Variants in DCLK1 observed in about 807,000 individuals in gnomAD.
The protein encoded by DCLK1 is doublecortin like kinase 1.
In DCLK1, 16 loss-of-function variants were observed where a neutral mutation model predicts 86.2. That is an observed-to-expected ratio of 0.19 (90% CI 0.13 to 0.28). The LOEUF (loss-of-function observed/expected upper bound fraction) is 0.28, where lower values mean the gene tolerates loss of function less well. DCLK1 is among the 10% of genes least tolerant of loss of function. The probability of loss-of-function intolerance (pLI) is 1.00; values close to 1 mark genes in which losing one functional copy is unlikely to be tolerated. For missense variants in DCLK1, 590 were observed against 940.2 expected (o/e 0.63, Z 4.87); for synonymous variants, 369 against 370.5 (o/e 1.00, Z 0.05).
chr13:35,986,267 A>T (rs1027310368), intron 3 of DCLK1, among the ~76,000 whole-genome samples: 1 of 124,958 alleles, frequency 8.0e-6, no homozygotes, highest in Non-Finnish European at 1.6e-5. Context: ...ATGCCATTGC[A>T]CTCCAGTCTG....
At chr13:36,020,971 T>C (rs1332715564) in intron 3 of DCLK1, among the ~76,000 whole-genome samples, 1 of 152,160 alleles carries the variant, frequency 6.6e-6, no homozygotes, top group South Asian at 2.1e-4. Context: ...TATAAGTATG[T>C]AAATGTGAAA....
intron 11 of DCLK1, among the ~76,000 whole-genome samples, chr13:35,813,425 A>G (rs1463621387): frequency 1.3e-5 from 2 of 152,176 alleles, no homozygotes; most frequent in African/African-American, 2.4e-5. Flanking sequence ...TAATTCTCCT[A>G]TATGTAGGAA....
intron 4 of DCLK1, among the ~76,000 whole-genome samples, chr13:35,916,588 T>A (rs982960575): frequency 6.6e-6 from 1 of 152,212 alleles, no homozygotes; most frequent in Non-Finnish European, 1.5e-5. Flanking sequence ...TTTCTTTTCT[T>A]CACTTATATT....
intron 4 of DCLK1, among the ~76,000 whole-genome samples, chr13:35,923,526 A>G (rs1875928840): frequency 1.3e-5 from 2 of 151,876 alleles, no homozygotes; most frequent in South Asian, 4.2e-4. Context: ...CTTAGGAGGG[A>G]GCAGTGGGGG....
chr13:36,025,969 G>A (rs1197869333), intron 3 of DCLK1, among the ~76,000 whole-genome samples: 1 of 152,030 alleles, frequency 6.6e-6, no homozygotes, highest in Non-Finnish European at 1.5e-5. Context: ...TCATGGTGGG[G>A]GGAGAGGAAA....
At chr13:35,793,587 G>T (rs2086747091) in intron 15 of DCLK1, 108 bp from the exon 16 acceptor site, 1 of 831,886 alleles carries the variant, frequency 1.2e-6, no homozygotes, top group Admixed American at 2.7e-5. Context: ...TTCATAAGAT[G>T]TCAGAAATAA....
intron 15 of DCLK1, among the ~76,000 whole-genome samples, chr13:35,794,795 A>G (rs1171928923): frequency 1.3e-5 from 2 of 152,224 alleles, no homozygotes; most frequent in Non-Finnish European, 2.9e-5. Context: ...CTTTTTCATT[A>G]TATCAATTTG....
At chr13:35,871,183 G>T in intron 5 of DCLK1, 41 bp downstream of exon 5, 1 of 1,544,582 alleles carries the variant, frequency 6.5e-7, no homozygotes, top group East Asian at 2.2e-5. Context: ...TCCTGTGTCA[G>T]GAACAAGGCA....
Position 35,810,727 on chromosome 13 carries a change from T to C in DCLK1, c.1688+108A>G, listed in dbSNP as rs1593613932. ...AATTTTAAAAAGAGTGGAAGAAACC[T>C]GATAGCTAATTATGTCTGGATAGGG... On this transcript the variant is annotated intron_variant, in intron 12 of 16. Coordinates refer to ENST00000360631, the MANE Select transcript of DCLK1 (RefSeq NM_001330071.2). The C allele has an allele frequency of 4.5e-6, 6 of 1,336,084 alleles. No individual in the cohort carries two copies. In the East Asian group the frequency reaches 1.0e-4, roughly 22 times the overall value. The allele number at this position is 1,336,084 out of a possible 1,614,324, so 82.8% of individuals were successfully genotyped here.
chr13:36,120,827 T>C (rs188210724), intron 2 of DCLK1, among the ~76,000 whole-genome samples: 1,691 of 152,266 alleles, frequency 0.011, 19 homozygotes, highest in Non-Finnish European at 0.018. Context: ...TTTTCTTTTC[T>C]TAATGGGTTA....
At chr13:35,878,630 AT>A (rs1186792679) in intron 4 of DCLK1, among the ~76,000 whole-genome samples, 4 of 152,272 alleles carry the variant, frequency 2.6e-5, no homozygotes, top group Admixed American at 6.5e-5. Flanking sequence ...GAATAATTTA[AT>A]TGTATACTTA....
intron 4 of DCLK1, among the ~76,000 whole-genome samples, chr13:35,872,819 TTATATAAACACATA>T (rs759590565): frequency 4.6e-5 from 7 of 152,212 alleles, no homozygotes; most frequent in Non-Finnish European, 1.0e-4. Flanking sequence ...TTTTCTAAGC[TTATATAAACACATA>T]TATACATAGC....
chr13:35,797,479 C>T (rs2086835643), intron 15 of DCLK1, among the ~76,000 whole-genome samples: 1 of 152,112 alleles, frequency 6.6e-6, no homozygotes, highest in Non-Finnish European at 1.5e-5. Flanking sequence ...GAGGTGAAGG[C>T]CTCCAGCTTT....
intron 7 of DCLK1, among the ~76,000 whole-genome samples, chr13:35,837,746 G>T (rs533275098): frequency 6.6e-6 from 1 of 152,042 alleles, no homozygotes; most frequent in African/African-American, 2.4e-5. Context: ...ATTCATAAAA[G>T]GTACCTTTCC....
chr13:36,092,702 G>A (rs1191025594), intron 3 of DCLK1, among the ~76,000 whole-genome samples: 1 of 151,652 alleles, frequency 6.6e-6, no homozygotes, highest in Non-Finnish European at 1.5e-5. Flanking sequence ...TAGCCGGGAT[G>A]GTCTCGATCT....
chr13:35,885,083 C>A (rs1423964119), intron 4 of DCLK1, among the ~76,000 whole-genome samples: 1 of 152,104 alleles, frequency 6.6e-6, no homozygotes, highest in Non-Finnish European at 1.5e-5. Context: ...AAGGCACATA[C>A]CCTTGTCCAG....
At chr13:35,784,758 T>C (rs1177265119) in intron 16 of DCLK1, among the ~76,000 whole-genome samples, 2 of 152,096 alleles carry the variant, frequency 1.3e-5, no homozygotes, top group African/African-American at 4.8e-5. Context: ...GACAGCGTTC[T>C]CACTCTGCAG....
intron 3 of DCLK1, among the ~76,000 whole-genome samples, chr13:35,978,598 A>G (rs905617016): frequency 3.9e-5 from 6 of 152,162 alleles, no homozygotes; most frequent in African/African-American, 1.2e-4. Context: ...CAATTAAGAG[A>G]GGAAAACTCA....
intron 3 of DCLK1, among the ~76,000 whole-genome samples, chr13:36,041,408 C>G (rs191363845): frequency 6.6e-6 from 1 of 152,146 alleles, no homozygotes; most frequent in Non-Finnish European, 1.5e-5. Flanking sequence ...TGTACTCCTA[C>G]GGGAAACAAC....
Sources: allele counts gnomAD v4.1 joint callset (sites outside exome capture counted in the v4.1 genomes callset), GRCh38; gene constraint gnomAD v4.1.1; transcripts MANE v1.5; gene names NCBI Gene and HGNC (gene_info 2026-07-23, HGNC 2026-07-21).